Variants in OSBPL10 observed in about 807,000 individuals in gnomAD.
OSBPL10 encodes the protein oxysterol binding protein like 10.
In OSBPL10, 49 loss-of-function variants were observed where a neutral mutation model predicts 81.7. The observed-to-expected ratio is 0.60, with a 90% CI of 0.48 to 0.76. The LOEUF (loss-of-function observed/expected upper bound fraction) is 0.76. Among genes scored for constraint, OSBPL10 ranks in the 30% least tolerant of loss-of-function variants. The pLI is 0.00. For synonymous variants in OSBPL10, 419 were observed against 383.6 expected (o/e 1.09, Z -1.08); for missense variants, 923 against 987.8 (o/e 0.93, Z 0.88).
At chr3:31,880,154 C>T (rs1333265066) in intron 1 of OSBPL10, among the ~76,000 whole-genome samples, 3 of 152,226 alleles carry the variant, frequency 2.0e-5, no homozygotes, top group African/African-American at 7.2e-5. Context: ...AGAAGCATTG[C>T]AACACAGCCT....
At chr3:31,664,515 G>A in intron 10 of OSBPL10, 1 of 538,912 alleles carries the variant, frequency 1.9e-6, no homozygotes, top group East Asian at 3.2e-5. Context: ...TTGGCATTCT[G>A]CTACTACTAC....
intron 2 of OSBPL10, among the ~76,000 whole-genome samples, chr3:31,994,837 C>T (rs193300705): frequency 3.9e-5 from 6 of 152,242 alleles, no homozygotes; most frequent in Admixed American, 1.3e-4. Context: ...AATATTTCAA[C>T]GTAGGTTCTT....
At chr3:31,767,276 C>T (rs143269928) in intron 4 of OSBPL10, among the ~76,000 whole-genome samples, 1 of 152,212 alleles carries the variant, frequency 6.6e-6, no homozygotes, top group African/African-American at 2.4e-5. Flanking sequence ...TCTTCTCCCA[C>T]GACCATCACT....
At chr3:31,733,701 T>G (rs1280260091) in intron 5 of OSBPL10, among the ~76,000 whole-genome samples, 3 of 150,232 alleles carry the variant, frequency 2.0e-5, no homozygotes, top group Non-Finnish European at 3.0e-5. Context: ...TTTTTTTTTT[T>G]TTTTTTTTTT....
In OSBPL10 at chr3:31,747,912, G is replaced by C. The variant is rs751745045; in HGVS notation, c.938C>G (p.Ser313Trp). The change falls in exon 5 of 12, where the codon TCG becomes TGG. Residue 313 changes from serine to tryptophan, a missense_variant and splice_region_variant. Around this residue, in one of 3 missense-constraint regions of OSBPL10, gnomAD observed 514 missense variants for 508.0 expected, o/e 1.01. Coordinates refer to ENST00000396556, the MANE Select transcript of OSBPL10 (RefSeq NM_017784.5). ...AGQPSQKPGASENILGWHGSK... is the reference protein window; with the variant it reads ...AGQPSQKPGAWENILGWHGSK... ...GGACAAGCCCCCGGGGGTCTTACCC[G>C]AGGCTCCTGGCTTCTGGCTGGGCTG... 1.2e-6 allele frequency: 2 copies of C among 1,613,274 alleles called. No individual in the cohort carries two copies. Among genetic ancestry groups the C allele is most frequent in the South Asian group, 2.2e-5 (2 of 91,032 alleles).
At chr3:31,762,630 A>ATTTTTTTTT (rs56311731) in intron 4 of OSBPL10, among the ~76,000 whole-genome samples, 755 of 61,426 alleles carry the variant, frequency 0.012, 174 homozygotes, top group African/African-American at 0.057. Flanking sequence ...CATGCCCAGC[A>ATTTTTTTTT]TTTTTTTTTT....
At position 32,052,564 on chromosome 3, in the gene OSBPL10, TC is replaced by T. The variant is rs541782523; in HGVS notation, n.186-5962del. Among the ~76,000 whole-genome samples the T allele has an allele frequency of 1.9e-3, 287 of 151,172 alleles. 1 individual carries two copies. Among genetic ancestry groups the T allele is most frequent in the Admixed American group, 7.1e-3 (109 of 15,262 alleles). On this transcript the variant is annotated intron_variant and non_coding_transcript_variant, in intron 1 of 3. Transcript: ENST00000479173. Reference sequence around the variant, plus strand: ...GACTTGGAACCAACCCAAATGCCCATCAAGATAGACTAGATAAAAAAAATGT... The same window carrying T: ...GACTTGGAACCAACCCAAATGCCCATAAGATAGACTAGATAAAAAAAATGT...
In OSBPL10 at chr3:31,830,136, C is replaced by T. The variant is rs1247131827; in HGVS notation, c.633G>A (p.Gly211=). The T allele has an allele frequency of 5.0e-6, 8 of 1,614,000 alleles. No individual in the cohort carries two copies. Among genetic ancestry groups the T allele is most frequent in the Non-Finnish European group, 6.8e-6 (8 of 1,180,016 alleles). The change falls in exon 4 of 12, where the codon GGG becomes GGA. Residue 211 remains glycine, a synonymous_variant. Transcript: ENST00000396556. ...GCGTGATTGTGACAACACCGGGGGCCCCCACACTGAGGTGTCTCTGGCTAC... is the reference window on the plus strand; with the variant it reads ...GCGTGATTGTGACAACACCGGGGGCTCCCACACTGAGGTGTCTCTGGCTAC... ...SPCSQRHLSV[G]APGVVTITHH...
At chr3:31,745,150 T>A (rs924075555) in intron 5 of OSBPL10, among the ~76,000 whole-genome samples, 2 of 152,244 alleles carry the variant, frequency 1.3e-5, no homozygotes, top group Admixed American at 6.5e-5. Flanking sequence ...CCAGCGTGAA[T>A]ACACGCAAAT....
At position 31,910,411 on chromosome 3, in the gene OSBPL10, G is replaced by T. The variant is rs968174090; in HGVS notation, c.282-30581C>A. Among the ~76,000 whole-genome samples the T allele has an allele frequency of 2.0e-5, 3 of 150,826 alleles. No homozygotes were observed. The East Asian group carries it at 6.1e-4, about 31-fold the overall frequency. On this transcript the variant is annotated intron_variant, in intron 1 of 11. Coordinates refer to ENST00000396556, the MANE Select transcript of OSBPL10 (RefSeq NM_017784.5). Reference sequence around the variant, plus strand: ...GAACTTCGGGAAGCTGAGGCAGGCAGATTACCTGAGATCAGGAGTTCAAGA... The same window carrying T: ...GAACTTCGGGAAGCTGAGGCAGGCATATTACCTGAGATCAGGAGTTCAAGA...
chr3:31,928,613 T>C (rs1697144175), intron 1 of OSBPL10, among the ~76,000 whole-genome samples: 1 of 151,930 alleles, frequency 6.6e-6, no homozygotes, highest in South Asian at 2.1e-4. Context: ...CTGTCTCTAC[T>C]AAAAATATAA....
rs192662665 is a variant in OSBPL10, at chr3:31,988,026, A to G, written n.298+58465T>C. 7.9e-5 allele frequency among the ~76,000 whole-genome samples: 12 copies of G among 152,340 alleles called. No homozygotes were observed. The East Asian group carries it at 1.9e-3, about 24-fold the overall frequency. On this transcript the variant is annotated intron_variant and non_coding_transcript_variant, in intron 2 of 3. Coordinates refer to the OSBPL10 transcript ENST00000479173. ...TTCAGACAGGGAAGCCAAGAACCCC[A>G]GAGAAGTATTCCCAGGCCTTGAGAC...
intron 7 of OSBPL10, among the ~76,000 whole-genome samples, chr3:31,688,305 A>T (rs1317186251): frequency 6.6e-6 from 1 of 150,870 alleles, no homozygotes; most frequent in Non-Finnish European, 1.5e-5. Flanking sequence ...ACACACACAC[A>T]CACACACACA....
intron 3 of OSBPL10, among the ~76,000 whole-genome samples, chr3:31,869,163 T>C (rs1421206795): frequency 2.0e-5 from 3 of 152,186 alleles, no homozygotes; most frequent in Non-Finnish European, 2.9e-5. Context: ...GCTTGAGCTA[T>C]ATGACCTTAT....
intron 1 of OSBPL10, among the ~76,000 whole-genome samples, chr3:31,964,461 C>T (rs1190201435): frequency 2.0e-5 from 3 of 152,228 alleles, no homozygotes; most frequent in East Asian, 3.9e-4. Flanking sequence ...CTGCCCTACC[C>T]AGCACTCTTA....
intron 1 of OSBPL10, chr3:31,919,261 C>T (rs989708930): frequency 2.6e-5 from 4 of 152,186 alleles, no homozygotes; most frequent in South Asian, 2.1e-4. Context: ...CATATCAAAT[C>T]CACTTAGAAC....
At chr3:31,990,437 C>G in intron 2 of OSBPL10, 1 of 1,569,478 alleles carries the variant, frequency 6.4e-7, no homozygotes, top group Non-Finnish European at 8.6e-7. Flanking sequence ...GGAGAGAAAC[C>G]TTACAAGTGT....
chr3:31,771,987 C>T (rs1395704186), intron 4 of OSBPL10, among the ~76,000 whole-genome samples: 1 of 152,166 alleles, frequency 6.6e-6, no homozygotes, highest in African/African-American at 2.4e-5. Flanking sequence ...ACAATAGATT[C>T]AGTGTAAAAC....
At position 31,748,131 on chromosome 3, in the gene OSBPL10, A is replaced by C; in HGVS notation, c.730-11T>G. The C allele has an allele frequency of 6.2e-7, 1 of 1,605,192 alleles. No homozygotes were observed. Among genetic ancestry groups the C allele is most frequent in the Non-Finnish European group, 8.5e-7 (1 of 1,175,400 alleles). ...CACCTGGTTCATCATCTACAAAACAAGAAGACAGTAAGGAGGTGAGGGGCG... is the reference window on the plus strand; with the variant it reads ...CACCTGGTTCATCATCTACAAAACACGAAGACAGTAAGGAGGTGAGGGGCG... On this transcript the variant is annotated splice_polypyrimidine_tract_variant and intron_variant, in intron 4 of 11. Coordinates refer to ENST00000396556, the MANE Select transcript of OSBPL10 (RefSeq NM_017784.5).
Sources: gnomAD v4.1 joint callset for allele counts (sites outside exome capture counted in the v4.1 genomes callset) on GRCh38, gnomAD v4.1.1 for gene constraint, gnomAD v4.1.1 regional missense constraint, MANE v1.5 for transcripts, NCBI Gene and HGNC (gene_info 2026-07-23, HGNC 2026-07-21) for gene names.